The following RIPOR1 variants were observed in gnomAD, a reference collection of about 807,000 sequenced individuals.
RIPOR1 encodes RHO family interacting cell polarization regulator 1.
RIPOR1 carries 58 observed loss-of-function variants against 116.5 expected under a neutral mutation model. The ratio of observed to expected loss-of-function variants is 0.50; its 90% CI spans 0.40 to 0.62. The LOEUF (loss-of-function observed/expected upper bound fraction) is 0.62, where lower values mean the gene tolerates loss of function less well. Ranked by LOEUF, RIPOR1 falls within the 20% of genes least tolerant of loss-of-function variation. The probability of loss-of-function intolerance (pLI) is 0.00; values close to 1 mark genes in which losing one functional copy is unlikely to be tolerated. For synonymous variants in RIPOR1, 605 were observed against 650.0 expected (o/e 0.93, Z 1.05); for missense variants, 1,372 against 1,586.2 (o/e 0.86, Z 2.29).
chr16:67,544,269 G>GT lies in RIPOR1; in HGVS notation c.2601-29dup, dbSNP rs1258035827. Reference sequence around the variant, plus strand: ...GGTGACCAGGTGGTGATGTGTGCCTGTGGGGTGGTGGACCCCATTTTTCCC... The same window carrying GT: ...GGTGACCAGGTGGTGATGTGTGCCTGTTGGGGTGGTGGACCCCATTTTTCCC... On this transcript the variant is annotated intron_variant, in intron 14 of 21. Transcript: ENST00000042381. The surrounding 1 kb of genome is among the most constrained non-coding windows in gnomAD (Gnocchi z 5.1). 34 of 1,582,680 alleles carry GT rather than the reference G, an allele frequency of 2.1e-5. No individual in the cohort carries two copies. The highest frequency in any genetic ancestry group is 1.7e-4 in the Middle Eastern group (1 of 5,914).
In RIPOR1 at chr16:67,540,532, G is replaced by A. The variant is rs574495922; in HGVS notation, c.675+31G>A. On this transcript the variant is annotated intron_variant, in intron 9 of 21. Coordinates refer to ENST00000042381, the MANE Select transcript of RIPOR1 (RefSeq NM_024519.4). This position sits in a 1 kb window ranked among gnomAD's most constrained non-coding sequence, Gnocchi z 4.7. ...AGAATGTGCAGGGAAGGGCTGGGTC[G>A]GTAGGGTCCCAACACCTAGGCTGCC... 107 of 1,614,110 alleles carry A rather than the reference G, an allele frequency of 6.6e-5. No individual in the cohort carries two copies. In the South Asian group the frequency reaches 9.4e-4, roughly 14 times the overall value.
chr16:67,546,161 C>T lies in RIPOR1; in HGVS notation c.3492C>T (p.Pro1164=). Residue 1164 remains proline (P), a synonymous_variant, in exon 21 of 22, where the codon CCC becomes CCT. Coordinates refer to ENST00000042381, the MANE Select transcript of RIPOR1 (RefSeq NM_024519.4). Reference sequence around the variant, plus strand: ...GACAGGCTCCCGAGGGCATTGAGCCCCTGGTGTACCTCTGCCAAACTGACA... The same window carrying T: ...GACAGGCTCCCGAGGGCATTGAGCCTCTGGTGTACCTCTGCCAAACTGACA... The part of the protein sequence containing the change: ...GCIKAPEGIE[P]LVYLCQTDTE... 1 of 1,614,062 alleles carries T rather than the reference C, an allele frequency of 6.2e-7. No homozygotes were observed. Among genetic ancestry groups the T allele is most frequent in the Non-Finnish European group, 8.5e-7 (1 of 1,180,020 alleles).
In RIPOR1 at chr16:67,545,006, T is replaced by G. The variant is rs752231815; in HGVS notation, c.2920T>G (p.Cys974Gly). 1 of 1,613,588 alleles carries G rather than the reference T, an allele frequency of 6.2e-7. No homozygotes were observed. Among genetic ancestry groups the G allele is most frequent in the South Asian group, 1.1e-5 (1 of 91,086 alleles). Residue 974 changes from cysteine (C) to glycine (G), a missense_variant, in exon 17 of 22, where the codon TGC (cysteine) becomes GGC (glycine). Coordinates refer to ENST00000042381, the MANE Select transcript of RIPOR1 (RefSeq NM_024519.4). This position sits in a 1 kb window ranked among gnomAD's most constrained non-coding sequence, Gnocchi z 4.8. ...RPGFLTFWDQ[C>G]TERLSCFLCP... ...TGGCTTCCTGACCTTCTGGGACCAG[T>G]GCACAGAGAGACTCAGCTGCTTCCT...
chr16:67,540,016 C>G lies in RIPOR1; in HGVS notation c.415-37C>G, dbSNP rs1464492633. The G allele has an allele frequency of 6.2e-7, 1 of 1,613,950 alleles. No individual in the cohort carries two copies. The highest frequency in any genetic ancestry group is 1.1e-5 in the South Asian group (1 of 91,078). ...GAGGTGAGTAACCCCAGAGGTGAGT[C>G]TCAGTCCCCCTACTGTCACCCCACT... is the stretch of plus-strand genomic sequence containing the variant. On this transcript the variant is annotated intron_variant, in intron 6 of 21. Coordinates refer to ENST00000042381, the MANE Select transcript of RIPOR1 (RefSeq NM_024519.4). This position sits in a 1 kb window ranked among gnomAD's most constrained non-coding sequence, Gnocchi z 4.7.
rs372359549 is a variant in RIPOR1, at chr16:67,531,371, GAGCCA to G, written c.-24+2461_-24+2465del. Among the ~76,000 whole-genome samples the G allele has an allele frequency of 1.5e-4, 22 of 151,480 alleles. No homozygotes were observed. Among genetic ancestry groups the G allele is most frequent in the African/African-American group, 5.1e-4 (21 of 41,152 alleles). On this transcript the variant is annotated intron_variant, in intron 1 of 21. Transcript: ENST00000042381. This position sits in a 1 kb window ranked among gnomAD's most constrained non-coding sequence, Gnocchi z 4.2. ...TACAGGACCCCCAGAGCGCTGTGGT[GAGCCA>G]AGCAGATATGCCCCAGGTCTCACAA...
At position 67,544,306 on chromosome 16, in the gene RIPOR1, A is replaced by C; in HGVS notation, c.2608A>C (p.Ser870Arg). 6.2e-7 allele frequency: 1 copy of C among 1,601,148 alleles called. No individual in the cohort carries two copies. Among genetic ancestry groups the C allele is most frequent in the Non-Finnish European group, 8.5e-7 (1 of 1,169,850 alleles). The part of the protein sequence containing the change: ...DNDVPGDRPP[S>R]SPEAGAEDSI... ...ACCCCATTTTTCCCTCAGGCCTCCA[A>C]GCAGCCCGGAGGCTGGGGCTGAGGA... Residue 870 changes from serine to arginine, a missense_variant, in exon 15 of 22, where the codon AGC becomes CGC. This residue lies in a region of RIPOR1 where 1,005 missense variants were observed against 1,144.7 expected (regional missense o/e 0.88). Transcript: ENST00000042381. The surrounding 1 kb of genome is among the most constrained non-coding windows in gnomAD (Gnocchi z 5.1).
At position 67,546,593 on chromosome 16, in the gene RIPOR1, T is replaced by C. The variant is rs2051177765; in HGVS notation, c.*130T>C. On this transcript the variant is annotated 3_prime_UTR_variant, in exon 22 of 22. Transcript: ENST00000042381. ...GATTCCTAGCAATGAAAATCTAATA[T>C]ATTCTTCTGTTGCCCCTGGGGTTGG... 2.8e-6 allele frequency: 2 copies of C among 710,468 alleles called. No homozygotes were observed. The highest frequency in any genetic ancestry group is 2.7e-5 in the Admixed American group (1 of 37,218). 44.0% of individuals were successfully genotyped at this position (710,468 alleles called of 1,614,324 possible).
Position 67,543,526 on chromosome 16 carries a change from G to A in RIPOR1, c.2600+57G>A. On this transcript the variant is annotated intron_variant, in intron 14 of 21. Transcript: ENST00000042381. This position sits in a 1 kb window ranked among gnomAD's most constrained non-coding sequence, Gnocchi z 4.7. ...TAGGTGAGAGGGAAAAGGTGAGGCA[G>A]GACCAGGGGAAGGTGGAACAGGTGA... The A allele has an allele frequency of 1.3e-6, 2 of 1,539,300 alleles. No individual in the cohort carries two copies. Among genetic ancestry groups the A allele is most frequent in the Non-Finnish European group, 1.7e-6 (2 of 1,145,902 alleles).
In RIPOR1 at chr16:67,539,841, C is replaced by T; in HGVS notation, c.361-5C>T. The T allele has an allele frequency of 6.2e-7, 1 of 1,614,200 alleles. No homozygotes were observed. The highest frequency in any genetic ancestry group is 2.2e-5 in the East Asian group (1 of 44,886). On this transcript the variant is annotated splice_region_variant and splice_polypyrimidine_tract_variant and intron_variant, in intron 5 of 21. Transcript: ENST00000042381. ...CAGGCCCCTCCTGACCCACCTCTCC[C>T]CCAGCAAGTCAAGTCCATTGAACGC...
At chr16:67,520,437 T>G (rs11867039) in intron 1 of RIPOR1, among the ~76,000 whole-genome samples, 24,636 of 145,318 alleles carry the variant, frequency 0.17, 4,964 homozygotes, top group African/African-American at 0.5. Flanking sequence ...GAAGAGAAGA[T>G]AAGAGAAGAG....
rs1229756844 is a variant in RIPOR1, at chr16:67,536,145, G to C, written c.-23-2279G>C. 2.0e-5 allele frequency among the ~76,000 whole-genome samples: 3 copies of C among 152,226 alleles called. No homozygotes were observed. In the East Asian group the frequency reaches 5.8e-4, roughly 29 times the overall value. On this transcript the variant is annotated intron_variant, in intron 1 of 21. Coordinates refer to ENST00000042381, the MANE Select transcript of RIPOR1 (RefSeq NM_024519.4). The stretch of plus-strand genomic sequence containing the variant: ...ATCTATCCAGGCTAGAGGTGGACAT[G>C]GGATATTCAAAGAAGAGATAGGCTG...
At position 67,539,019 on chromosome 16, in the gene RIPOR1, A is replaced by G. The variant is rs1376718121; in HGVS notation, c.287A>G (p.Gln96Arg). ...TAYLEVHQQE[Q>R]EKLQGQIRES... ...TACTTGGAAGTGCACCAGCAGGAGC[A>G]AGAGAAACTCCAGGGGCAGATAAGG... The change falls in exon 4 of 22, where the codon CAA becomes CGA. Residue 96 changes from glutamine (Q) to arginine (R), a missense_variant. Physicochemically the swap from Gln to Arg is conservative, Grantham distance 43 (BLOSUM62 1). Transcript: ENST00000042381. 1.2e-6 allele frequency: 2 copies of G among 1,613,676 alleles called. No individual in the cohort carries two copies. The highest frequency in any genetic ancestry group is 2.2e-5 in the East Asian group (1 of 44,864).
Position 67,540,216 on chromosome 16 carries a change from G to A in RIPOR1, c.567+11G>A, listed in dbSNP as rs1216298600. On this transcript the variant is annotated intron_variant, in intron 7 of 21. Coordinates refer to ENST00000042381, the MANE Select transcript of RIPOR1 (RefSeq NM_024519.4). This position sits in a 1 kb window ranked among gnomAD's most constrained non-coding sequence, Gnocchi z 4.7. ...CGCGAGTACACGGAGGTGAGGGATG[G>A]GGGCCCATGAGGCAGAGGCACAGGG... 2.5e-6 allele frequency: 4 copies of A among 1,613,834 alleles called. No homozygotes were observed. Among genetic ancestry groups the A allele is most frequent in the South Asian group, 2.2e-5 (2 of 91,086 alleles).
At position 67,540,364 on chromosome 16, in the gene RIPOR1, G is replaced by C; in HGVS notation, c.631+1G>C. The C allele has an allele frequency of 6.2e-7, 1 of 1,614,156 alleles. No individual in the cohort carries two copies. Among genetic ancestry groups the C allele is most frequent in the Non-Finnish European group, 8.5e-7 (1 of 1,180,022 alleles). Reference sequence around the variant, plus strand: ...GGCGAGTTTCATCTCCGAATGAAAGGTACTGAGTTGTGGGGGCAGGTGGGG... The same window carrying C: ...GGCGAGTTTCATCTCCGAATGAAAGCTACTGAGTTGTGGGGGCAGGTGGGG... On this transcript the variant is annotated splice_donor_variant, in intron 8 of 21. Coordinates refer to ENST00000042381, the MANE Select transcript of RIPOR1 (RefSeq NM_024519.4). LOFTEE classifies it high-confidence loss of function. This position sits in a 1 kb window ranked among gnomAD's most constrained non-coding sequence, Gnocchi z 4.7.
In RIPOR1 at chr16:67,546,773, A is replaced by G; in HGVS notation, c.*310A>G. The stretch of plus-strand genomic sequence containing the variant: ...GAGTTTTACAGAAAATAAAAAAGCA[A>G]AATGTCTTTCCTACATGGCCTGGTA... On this transcript the variant is annotated 3_prime_UTR_variant, in exon 22 of 22. Coordinates refer to ENST00000042381, the MANE Select transcript of RIPOR1 (RefSeq NM_024519.4). 2.3e-6 allele frequency: 1 copy of G among 443,776 alleles called. No individual in the cohort carries two copies. Among genetic ancestry groups the G allele is most frequent in the Admixed American group, 3.8e-5 (1 of 26,278 alleles). The allele number at this position is 443,776 out of a possible 1,614,324, so 27.5% of individuals were successfully genotyped here.
At position 67,529,501 on chromosome 16, in the gene RIPOR1, G is replaced by A; in HGVS notation, c.-24+587G>A. The A allele has an allele frequency of 2.5e-6, 1 of 392,896 alleles. No individual in the cohort carries two copies. Among genetic ancestry groups the A allele is most frequent in the Non-Finnish European group, 4.6e-6 (1 of 218,052 alleles). 24.3% of individuals were successfully genotyped at this position (392,896 alleles called of 1,614,324 possible). ...TGTCGGGGAACGGAGCTTTTCCCTG[G>A]AAATGGAGGTTGGCGCAAGGTTCCT... On this transcript the variant is annotated intron_variant, in intron 1 of 21. Transcript: ENST00000042381. The surrounding 1 kb of genome is among the most constrained non-coding windows in gnomAD (Gnocchi z 4.1).
At chr16:67,519,107 A>G (rs930792499) in intron 1 of RIPOR1, among the ~76,000 whole-genome samples, 1 of 152,202 alleles carries the variant, frequency 6.6e-6, no homozygotes, top group Non-Finnish European at 1.5e-5. Flanking sequence ...CAACACGATG[A>G]AACCCGGCCT....
intron 1 of RIPOR1, among the ~76,000 whole-genome samples, chr16:67,523,437 A>C (rs1320521385): frequency 6.7e-6 from 1 of 148,286 alleles, no homozygotes; most frequent in Non-Finnish European, 1.5e-5. Context: ...GAGGCATGAG[A>C]ATCGCTTGAA....
chr16:67,523,229 T>G (rs1001423298), intron 1 of RIPOR1, among the ~76,000 whole-genome samples: 11 of 151,896 alleles, frequency 7.2e-5, no homozygotes, highest in African/African-American at 2.2e-4. Context: ...ACCCTCCATC[T>G]CCCACTGCGG....
Sources: allele counts gnomAD v4.1 joint callset (sites outside exome capture counted in the v4.1 genomes callset), GRCh38; gene constraint gnomAD v4.1.1; regional missense constraint gnomAD v4.1.1; non-coding constraint Gnocchi (gnomAD v3.1); transcripts MANE v1.5; gene names NCBI Gene and HGNC (gene_info 2026-07-23, HGNC 2026-07-21).